Variants in RBMS3 observed in about 807,000 individuals in gnomAD.
The protein encoded by RBMS3 is RNA-binding motif, single-stranded-interacting protein 3.
In RBMS3, 27 loss-of-function variants were observed where a neutral mutation model predicts 66.8. That is an observed-to-expected ratio of 0.40 (90% CI 0.30 to 0.56). The LOEUF (loss-of-function observed/expected upper bound fraction) is 0.56, where lower values mean the gene tolerates loss of function less well. RBMS3 is among the 20% of genes least tolerant of loss of function. The pLI, the probability that RBMS3 is intolerant of heterozygous loss-of-function variation, is 0.40. For missense variants in RBMS3, 513 were observed against 549.5 expected (o/e 0.93, Z 0.66); for synonymous variants, 188 against 183.0 (o/e 1.03, Z -0.22).
At chr3:29,687,629 G>A (rs11129371) in intron 4 of RBMS3, among the ~76,000 whole-genome samples, 81,050 of 151,890 alleles carry the variant, frequency 0.53, 21,695 homozygotes, top group South Asian at 0.57. Flanking sequence ...AGACACAAAG[G>A]TTTTCGGGGT....
At chr3:29,723,619 C>T (rs1162902714) in intron 4 of RBMS3, among the ~76,000 whole-genome samples, 2 of 152,112 alleles carry the variant, frequency 1.3e-5, no homozygotes, top group South Asian at 2.1e-4. Context: ...TATTGTTGTC[C>T]TATTCCATTA....
chr3:29,532,521 C>A (rs976258401), intron 3 of RBMS3, among the ~76,000 whole-genome samples: 1 of 151,550 alleles, frequency 6.6e-6, no homozygotes, highest in Non-Finnish European at 1.5e-5. Flanking sequence ...AATAAGTGTG[C>A]AAGACCAGCC....
intron 4 of RBMS3, among the ~76,000 whole-genome samples, chr3:29,670,462 C>T (rs187570672): frequency 6.6e-6 from 1 of 152,310 alleles, no homozygotes; most frequent in African/African-American, 2.4e-5. Flanking sequence ...CATCGCCTCA[C>T]TCGGGAATCA....
chr3:29,848,938 T>A (rs1332407420), intron 6 of RBMS3, among the ~76,000 whole-genome samples: 1 of 152,148 alleles, frequency 6.6e-6, no homozygotes, highest in East Asian at 1.9e-4. Flanking sequence ...ATGCTAGAAT[T>A]TGCTCCTTGA....
At chr3:29,571,903 A>G (rs1343353288) in intron 3 of RBMS3, among the ~76,000 whole-genome samples, 2 of 152,088 alleles carry the variant, frequency 1.3e-5, no homozygotes, top group African/African-American at 2.4e-5. Flanking sequence ...CCAATATCCA[A>G]TCCACAAACA....
intron 3 of RBMS3, among the ~76,000 whole-genome samples, chr3:29,584,950 C>A (rs1468875173): frequency 6.6e-6 from 1 of 152,074 alleles, no homozygotes; most frequent in Non-Finnish European, 1.5e-5. Context: ...CAATAGTGAA[C>A]AATCAAAAAT....
At chr3:29,709,444 G>T (rs544468605) in intron 4 of RBMS3, among the ~76,000 whole-genome samples, 1 of 152,306 alleles carries the variant, frequency 6.6e-6, no homozygotes, top group South Asian at 2.1e-4. Flanking sequence ...TGGAGAAAAT[G>T]AAAAGAGTAT....
At chr3:29,384,752 G>A (rs1179221092) in intron 1 of RBMS3, among the ~76,000 whole-genome samples, 1 of 152,168 alleles carries the variant, frequency 6.6e-6, no homozygotes, top group Non-Finnish European at 1.5e-5. Context: ...CCAATAAGTG[G>A]TTTCCGGCCT....
At chr3:29,350,588 A>G (rs2036851756) in intron 1 of RBMS3, among the ~76,000 whole-genome samples, 1 of 152,134 alleles carries the variant, frequency 6.6e-6, no homozygotes, top group African/African-American at 2.4e-5. Context: ...AGAGATGGAG[A>G]GAACTAAGCT....
chr3:29,506,839 T>C (rs1011061392), intron 3 of RBMS3, among the ~76,000 whole-genome samples: 1 of 151,904 alleles, frequency 6.6e-6, no homozygotes, highest in Admixed American at 6.6e-5. Context: ...ATGTATCCAT[T>C]TTTTCTAAGT....
intron 12 of RBMS3, among the ~76,000 whole-genome samples, chr3:29,982,060 T>C (rs773905476): frequency 9.2e-5 from 14 of 152,176 alleles, no homozygotes; most frequent in Non-Finnish European, 2.1e-4. Context: ...CTCCTGGGCT[T>C]TTTTTGTTGG....
chr3:29,605,154 C>T (rs1285922573), intron 4 of RBMS3, among the ~76,000 whole-genome samples: 1 of 151,628 alleles, frequency 6.6e-6, no homozygotes, highest in East Asian at 1.9e-4. Context: ...CTTTGCTTTT[C>T]CTCCTTTGAA....
At chr3:29,319,548 G>A (rs67286012) in intron 1 of RBMS3, among the ~76,000 whole-genome samples, 26,288 of 151,838 alleles carry the variant, frequency 0.17, 2,758 homozygotes, top group African/African-American at 0.29. Context: ...TGTGGGCCAG[G>A]CACTGTGCTG....
chr3:29,803,518 C>T (rs2057452153), intron 6 of RBMS3, among the ~76,000 whole-genome samples: 1 of 152,068 alleles, frequency 6.6e-6, no homozygotes. Flanking sequence ...ATTGGAATAT[C>T]TATCACCTAC....
intron 10 of RBMS3, among the ~76,000 whole-genome samples, chr3:29,926,637 A>T (rs757135850): frequency 3.3e-5 from 5 of 152,156 alleles, no homozygotes; most frequent in Non-Finnish European, 7.4e-5. Context: ...TTTTAATGAG[A>T]AGTTTTATGA....
chr3:29,798,144 C>T (rs1460640157), intron 6 of RBMS3, among the ~76,000 whole-genome samples: 1 of 150,372 alleles, frequency 6.7e-6, no homozygotes, highest in Non-Finnish European at 1.5e-5. Context: ...ACAATAGTAA[C>T]ATCAAAGAAT....
At chr3:29,593,171 A>C (rs1002150453) in intron 4 of RBMS3, among the ~76,000 whole-genome samples, 10 of 152,044 alleles carry the variant, frequency 6.6e-5, no homozygotes, top group Non-Finnish European at 1.2e-4. Flanking sequence ...TAATAAAAAA[A>C]GGAAGGGTGT....
chr3:29,850,017 G>T (rs982826962), intron 6 of RBMS3, among the ~76,000 whole-genome samples: 2 of 152,194 alleles, frequency 1.3e-5, no homozygotes, highest in African/African-American at 4.8e-5. Context: ...AAAGATACGA[G>T]GTAGGCAGAC....
At chr3:29,789,217 G>A (rs74466377) in intron 6 of RBMS3, among the ~76,000 whole-genome samples, 3,729 of 151,906 alleles carry the variant, frequency 0.025, 75 homozygotes, top group East Asian at 0.13. Flanking sequence ...AAACTTGAAT[G>A]GCAAAAGAGA....
Sources: gnomAD v4.1 joint callset for allele counts (sites outside exome capture counted in the v4.1 genomes callset) on GRCh38, gnomAD v4.1.1 for gene constraint, MANE v1.5 for transcripts, NCBI Gene and HGNC (gene_info 2026-07-23, HGNC 2026-07-21) for gene names.